TRAPPC11: variants seen among roughly 807,000 people sequenced by gnomAD.
TRAPPC11 encodes the protein trafficking protein particle complex subunit 11.
A neutral mutation model predicts 151.2 loss-of-function variants in TRAPPC11; 104 were observed. The ratio of observed to expected loss-of-function variants is 0.69; its 90% CI spans 0.59 to 0.81. TRAPPC11 has a LOEUF of 0.81. Among genes scored for constraint, TRAPPC11 ranks in the 30% least tolerant of loss-of-function variants. TRAPPC11 has a pLI of 0.00. For synonymous variants in TRAPPC11, 456 were observed against 472.3 expected (o/e 0.97, Z 0.45); for missense variants, 1,230 against 1,349.6 (o/e 0.91, Z 1.39).
intron 25 of TRAPPC11, 70 bp from the exon 26 acceptor site, chr4:183,701,627 A>G (rs916297740): frequency 9.8e-6 from 10 of 1,021,686 alleles, no homozygotes; most frequent in African/African-American, 1.6e-5. Flanking sequence ...TTGTTCTGTT[A>G]CTTGGATGTG....
At chr4:183,681,910 A>G (rs1735719189) in intron 10 of TRAPPC11, among the ~76,000 whole-genome samples, 1 of 152,208 alleles carries the variant, frequency 6.6e-6, no homozygotes, top group South Asian at 2.1e-4. Context: ...TAAGTACCAA[A>G]ATTTATTTAT....
At chr4:183,688,334 T>C (rs1300993013) in intron 18 of TRAPPC11, among the ~76,000 whole-genome samples, 1 of 152,096 alleles carries the variant, frequency 6.6e-6, no homozygotes, top group Non-Finnish European at 1.5e-5. Context: ...GGGGAGAACA[T>C]GTTTGGCAAT....
chr4:183,693,248 G>T, intron 20 of TRAPPC11, 101 bp downstream of exon 20: 1 of 1,163,022 alleles, frequency 8.6e-7, no homozygotes, highest in Non-Finnish European at 1.2e-6. Context: ...CTGGAGTGCA[G>T]TGGTGTGATC....
chr4:183,677,391 TA>T (rs1477188274), intron 7 of TRAPPC11, 66 bp from the exon 8 acceptor site: 1 of 884,582 alleles, frequency 1.1e-6, no homozygotes, highest in Non-Finnish European at 1.9e-6. Flanking sequence ...TTGTTATTTC[TA>T]GTGATTTGGT....
intron 28 of TRAPPC11, 119 bp from the exon 29 acceptor site, chr4:183,708,288 A>C (rs1737177439): frequency 7.6e-6 from 8 of 1,059,422 alleles, no homozygotes; most frequent in Non-Finnish European, 5.4e-6. Flanking sequence ...GGAGAGAGTG[A>C]ATATTTCAGT....
chr4:183,660,237 G>T (rs904317454), intron 1 of TRAPPC11, among the ~76,000 whole-genome samples: 1 of 152,142 alleles, frequency 6.6e-6, no homozygotes, highest in East Asian at 1.9e-4. Context: ...TACAATTTTC[G>T]TGCAGCAATT....
rs977595128 is a variant in TRAPPC11 at position 183,713,023 on chromosome 4, G to A, written c.*379G>A. 6 of 203,694 alleles carry A rather than the reference G, an allele frequency of 2.9e-5. No homozygotes were observed. Among genetic ancestry groups the A allele is most frequent in the South Asian group, 1.2e-4 (1 of 8,550 alleles). 12.6% of individuals were successfully genotyped at this position (203,694 alleles called of 1,614,324 possible). A position where few individuals can be genotyped will look rare whatever the true frequency, so the allele number is the denominator to read the frequency against. ...ACCAGTGCCTGTGCCATAAAGTTCC[G>A]AATCCCCCATGTGTCTCTTTCAGAG... On this transcript the variant is annotated 3_prime_UTR_variant, in exon 30 of 30. Transcript: ENST00000334690.
intron 17 of TRAPPC11, among the ~76,000 whole-genome samples, chr4:183,686,401 T>G: frequency 6.6e-6 from 1 of 152,342 alleles, no homozygotes; most frequent in East Asian, 1.9e-4. Context: ...CCTCCCCAAG[T>G]GTTGGGATTA....
Position 183,677,470 on chromosome 4 carries a change from CG to C in TRAPPC11, c.748del (p.Ala250ProfsTer8). The C allele has an allele frequency of 6.3e-7, 1 of 1,593,504 alleles. No homozygotes were observed. The highest frequency in any genetic ancestry group is 8.6e-7 in the Non-Finnish European group (1 of 1,163,760). Reference sequence around the variant, plus strand: ...CCTCCTCATTTAGGAATTATAGGACCGCCTATAATCTTGTACACGAATTGAG... The same window carrying C: ...CCTCCTCATTTAGGAATTATAGGACCCCTATAATCTTGTACACGAATTGAG... Reference protein sequence around the residue: ...TQNALKNYRTAYNLVHELRAH... With the variant: ...TQNALKNYRTXYNLVHELRAH... On this transcript the variant is annotated frameshift_variant, in exon 8 of 30. Transcript: ENST00000334690. LOFTEE classifies it high-confidence loss of function.
intron 3 of TRAPPC11, 25 bp downstream of exon 3, chr4:183,666,451 C>T: frequency 6.2e-7 from 1 of 1,606,894 alleles, no homozygotes; most frequent in Non-Finnish European, 8.5e-7. Flanking sequence ...GTCAGGGCAG[C>T]TATGTCAGTT....
chr4:183,671,586 G>C lies in TRAPPC11; in HGVS notation c.561-3127G>C, dbSNP rs1221162108. Among the ~76,000 whole-genome samples the C allele has an allele frequency of 2.0e-5, 3 of 152,148 alleles. No individual in the cohort carries two copies. The East Asian group carries it at 5.8e-4, about 29-fold the overall frequency. On this transcript the variant is annotated intron_variant, in intron 5 of 29. Coordinates refer to ENST00000334690, the MANE Select transcript of TRAPPC11 (RefSeq NM_021942.6). ...CTCCTTTTGTCCTCCAAAGTTGTGTGAATATTTTTGCCTCTTAGGTACTTT... is the reference window on the plus strand; with the variant it reads ...CTCCTTTTGTCCTCCAAAGTTGTGTCAATATTTTTGCCTCTTAGGTACTTT...
Position 183,663,986 on chromosome 4 carries a change from T to C in TRAPPC11, c.119T>C (p.Phe40Ser). The change falls in exon 2 of 30, where the codon TTC (phenylalanine) becomes TCC (serine). Residue 40 changes from phenylalanine (F) to serine (S), a missense_variant. Physicochemically the swap from Phe to Ser is radical, Grantham distance 155. Transcript: ENST00000334690. ...NAVHRAVWDA[F>S]CANRRADRVP... ...GTCCATCGAGCTGTCTGGGACGCCT[T>C]CTGTGCAAATCGGAGAGCTGATCGA... 8.1e-6 allele frequency: 13 copies of C among 1,614,132 alleles called. No individual in the cohort carries two copies. Among genetic ancestry groups the C allele is most frequent in the Non-Finnish European group, 1.0e-5 (12 of 1,180,026 alleles).
At chr4:183,702,380 C>A (rs1736843742) in intron 26 of TRAPPC11, among the ~76,000 whole-genome samples, 1 of 149,062 alleles carries the variant, frequency 6.7e-6, no homozygotes. Flanking sequence ...GCATTGATTG[C>A]AATAGGAAAA....
intron 8 of TRAPPC11, among the ~76,000 whole-genome samples, chr4:183,678,417 G>T (rs1468902872): frequency 6.6e-6 from 1 of 151,962 alleles, no homozygotes; most frequent in Non-Finnish European, 1.5e-5. Flanking sequence ...TTAATTCGCT[G>T]TTTTTTTCTA....
chr4:183,711,905 ATGT>A (rs1197836477), intron 29 of TRAPPC11, among the ~76,000 whole-genome samples: 1 of 152,202 alleles, frequency 6.6e-6, no homozygotes, highest in African/African-American at 2.4e-5. Flanking sequence ...TCCCTCTGGG[ATGT>A]TGTTAACCTG....
chr4:183,706,893 A>G lies in TRAPPC11; in HGVS notation c.3142A>G (p.Ile1048Val). ...NKTDLVQDVE[I>V]SVEPSDAFMF... The stretch of plus-strand genomic sequence containing the variant: ...GACCGACTTAGTTCAAGATGTAGAA[A>G]TTTCTGTGGAGCCCAGTGATGCCTT... The change falls in exon 28 of 30, where the codon ATT becomes GTT. Residue 1048 changes from isoleucine to valine, a missense_variant. Ile to Val is a conservative substitution (Grantham distance 29, BLOSUM62 3). Coordinates refer to ENST00000334690, the MANE Select transcript of TRAPPC11 (RefSeq NM_021942.6). 1.2e-6 allele frequency: 2 copies of G among 1,614,176 alleles called. No individual in the cohort carries two copies. Among genetic ancestry groups the G allele is most frequent in the Non-Finnish European group, 8.5e-7 (1 of 1,180,026 alleles).
intron 2 of TRAPPC11, 157 bp from the exon 3 acceptor site, chr4:183,666,100 T>A: frequency 1.7e-6 from 1 of 592,586 alleles, no homozygotes; most frequent in Non-Finnish European, 2.9e-6. Context: ...CTTCAACACT[T>A]ACTAGTTCTT....
At chr4:183,684,075 A>G in intron 12 of TRAPPC11, 21 bp downstream of exon 12, 2 of 1,611,462 alleles carry the variant, frequency 1.2e-6, no homozygotes, top group Non-Finnish European at 1.7e-6. Context: ...TGTCCAATAT[A>G]AACTATTTTT....
rs145037674 is a variant in TRAPPC11 at position 183,690,452 on chromosome 4, C to T, written c.1894-864C>T. Among the ~76,000 whole-genome samples the T allele has an allele frequency of 2.1e-3, 318 of 152,294 alleles. 2 individuals carry two copies. Among genetic ancestry groups the T allele is most frequent in the African/African-American group, 7.2e-3 (301 of 41,556 alleles). On this transcript the variant is annotated intron_variant, in intron 18 of 29. Coordinates refer to ENST00000334690, the MANE Select transcript of TRAPPC11 (RefSeq NM_021942.6). ...TTTACTCATCTATGAGGATTGTTCT[C>T]TTCTGGGAAGGCAGATGCACATTCA...
Sources: allele counts gnomAD v4.1 joint callset (sites outside exome capture counted in the v4.1 genomes callset), GRCh38; gene constraint gnomAD v4.1.1; transcripts MANE v1.5; gene names NCBI Gene and HGNC (gene_info 2026-07-23, HGNC 2026-07-21).